PRKAR1B: variants seen among roughly 807,000 people sequenced by gnomAD.
PRKAR1B encodes protein kinase cAMP-dependent type I regulatory subunit beta, also known as cAMP-dependent protein kinase type I-beta regulatory subunit.
In PRKAR1B, 22 loss-of-function variants were observed where a neutral mutation model predicts 46.5. The ratio of observed to expected loss-of-function variants is 0.47; its 90% CI spans 0.34 to 0.68. PRKAR1B has a LOEUF of 0.68. Ranked by LOEUF, PRKAR1B falls within the 30% of genes least tolerant of loss-of-function variation. The pLI, the probability that PRKAR1B is intolerant of heterozygous loss-of-function variation, is 0.01. For missense variants in PRKAR1B, 445 were observed against 535.6 expected (o/e 0.83, Z 1.67); for synonymous variants, 259 against 217.7 (o/e 1.19, Z -1.67).
Position 685,310 on chromosome 7 carries a change from ATATATACG to A in PRKAR1B, c.178-4592_178-4585del, listed in dbSNP as rs1761312647. On this transcript the variant is annotated intron_variant, in intron 2 of 10. Coordinates refer to ENST00000537384, the MANE Select transcript of PRKAR1B (RefSeq NM_001164760.2). Reference sequence around the variant, plus strand: ...TATATGTATACATATATATATACGTATATATACGTATATATACGTATATATACGTATAT... The same window carrying A: ...TATATGTATACATATATATATACGTATATATATACGTATATATACGTATAT... Among the ~76,000 whole-genome samples, 11 of 98,010 alleles carry A rather than the reference ATATATACG, an allele frequency of 1.1e-4. 1 individual carries two copies. Among genetic ancestry groups the A allele is most frequent in the African/African-American group, 3.8e-4 (8 of 21,124 alleles). The allele number at this position is 98,010 out of a possible 152,430, so 64.3% of individuals were successfully genotyped here.
intron 2 of PRKAR1B, among the ~76,000 whole-genome samples, chr7:705,994 C>T (rs113856627): frequency 3.4e-4 from 52 of 152,126 alleles, no homozygotes; most frequent in Non-Finnish European, 6.0e-4. Context: ...CCACTGCTCT[C>T]CAGCCTGGGC....
At chr7:591,811 G>T (rs1456811578) in intron 7 of PRKAR1B, among the ~76,000 whole-genome samples, 1 of 152,172 alleles carries the variant, frequency 6.6e-6, no homozygotes, top group Non-Finnish European at 1.5e-5. Flanking sequence ...CCAGATGGCT[G>T]CAACACGGCC....
Position 706,397 on chromosome 7 carries a change from G to A in PRKAR1B, c.177+4932C>T, listed in dbSNP as rs895532188. Among the ~76,000 whole-genome samples, 4 of 148,338 alleles carry A rather than the reference G, an allele frequency of 2.7e-5. 1 individual carries two copies. Among genetic ancestry groups the A allele is most frequent in the South Asian group, 4.3e-4 (2 of 4,680 alleles). ...CACATCTTGCTGGGGAAACTCCCAC[G>A]CTGTGTTTTGCCATCAAATAAGGAA... On this transcript the variant is annotated intron_variant, in intron 2 of 10. Coordinates refer to ENST00000537384, the MANE Select transcript of PRKAR1B (RefSeq NM_001164760.2).
intron 2 of PRKAR1B, among the ~76,000 whole-genome samples, chr7:690,508 C>A (rs1212192638): frequency 6.7e-6 from 1 of 148,800 alleles, no homozygotes; most frequent in African/African-American, 2.4e-5. Context: ...ACAACAACAA[C>A]AAATTTCAAG....
intron 4 of PRKAR1B, among the ~76,000 whole-genome samples, chr7:663,940 C>T (rs1363369257): frequency 3.3e-5 from 5 of 152,184 alleles, no homozygotes; most frequent in Admixed American, 6.5e-5. Context: ...ATCTTTCCCA[C>T]GGAAACCGTG....
Position 637,782 on chromosome 7 carries a change from G to A in PRKAR1B, c.441-30330C>T, listed in dbSNP as rs372325453. On this transcript the variant is annotated intron_variant, in intron 4 of 10. Transcript: ENST00000537384. ...CCTGAGGTGGAGGTTGCAGTGAGCCGAGATCGCACCACTGCACTCCAGCCT... is the reference window on the plus strand; with the variant it reads ...CCTGAGGTGGAGGTTGCAGTGAGCCAAGATCGCACCACTGCACTCCAGCCT... 4.2e-3 allele frequency among the ~76,000 whole-genome samples: 633 copies of A among 152,184 alleles called. 1 individual carries two copies. Among genetic ancestry groups the A allele is most frequent in the South Asian group, 0.02 (98 of 4,814 alleles).
intron 9 of PRKAR1B, among the ~76,000 whole-genome samples, chr7:564,168 T>C (rs894934014): frequency 6.6e-6 from 1 of 152,016 alleles, no homozygotes; most frequent in Non-Finnish European, 1.5e-5. Context: ...CTCAGCCCAG[T>C]GGGCCCCTCC....
chr7:623,289 A>G (rs1384320886), intron 4 of PRKAR1B, among the ~76,000 whole-genome samples: 2 of 152,146 alleles, frequency 1.3e-5, no homozygotes, highest in Non-Finnish European at 2.9e-5. Flanking sequence ...ATCCCCTGGG[A>G]CCCTCGGCCA....
chr7:584,460 G>A, intron 8 of PRKAR1B, 48 bp downstream of exon 8: 4 of 1,563,258 alleles, frequency 2.6e-6, no homozygotes, highest in Non-Finnish European at 3.5e-6. Flanking sequence ...TGGCCAGCAG[G>A]CGCCCAGATG....
chr7:714,914 G>A lies in PRKAR1B; in HGVS notation c.-22-3387C>T, dbSNP rs140753064. The stretch of plus-strand genomic sequence containing the variant: ...TCAATAAATACCTTTGGCCGGATGC[G>A]GTGGTTCACACCTGTAATCCCAGCA... On this transcript the variant is annotated intron_variant, in intron 1 of 10. Coordinates refer to ENST00000537384, the MANE Select transcript of PRKAR1B (RefSeq NM_001164760.2). This position sits in a 1 kb window ranked among gnomAD's most constrained non-coding sequence, Gnocchi z 4.3. Among the ~76,000 whole-genome samples the A allele has an allele frequency of 1.7e-3, 255 of 152,284 alleles. 1 individual carries two copies. Among genetic ancestry groups the A allele is most frequent in the African/African-American group, 5.9e-3 (247 of 41,564 alleles).
chr7:705,306 T>TAAAA (rs1166269903), intron 2 of PRKAR1B, among the ~76,000 whole-genome samples: 157 of 109,232 alleles, frequency 1.4e-3, no homozygotes, highest in African/African-American at 5.1e-3. Context: ...CTGTCTCAAT[T>TAAAA]AAAAAAAAAA....
At chr7:687,813 C>T (rs779267709) in intron 2 of PRKAR1B, among the ~76,000 whole-genome samples, 29 of 152,124 alleles carry the variant, frequency 1.9e-4, no homozygotes, top group Admixed American at 1.1e-3. Context: ...AAGGCATTAC[C>T]GGCCGGGCAT....
intron 4 of PRKAR1B, among the ~76,000 whole-genome samples, chr7:662,542 G>A (rs1464749580): frequency 4.4e-5 from 4 of 90,534 alleles, no homozygotes; most frequent in Admixed American, 1.4e-4. Context: ...TCTCCACCCA[G>A]TGGCACAGGT....
chr7:691,777 C>T (rs1442125170), intron 2 of PRKAR1B: 11 of 1,194,748 alleles, frequency 9.2e-6, no homozygotes, highest in Middle Eastern at 3.8e-4. Flanking sequence ...CTACAAACAC[C>T]GGCAATCACC....
At chr7:563,559 CGT>C (rs1179149881) in intron 9 of PRKAR1B, among the ~76,000 whole-genome samples, 8 of 152,060 alleles carry the variant, frequency 5.3e-5, no homozygotes, top group African/African-American at 1.2e-4. Context: ...CATGTGTGCA[CGT>C]GTGAGTGCGT....
intron 2 of PRKAR1B, among the ~76,000 whole-genome samples, chr7:691,276 T>C (rs114277700): frequency 0.03 from 4,574 of 151,686 alleles, 272 homozygotes; most frequent in African/African-American, 0.1. Context: ...AACTCGCCAG[T>C]GGAAATGGGT....
At chr7:726,808 G>T in intron 1 of PRKAR1B, 1 of 1,320,892 alleles carries the variant, frequency 7.6e-7, no homozygotes, top group Non-Finnish European at 9.6e-7. Context: ...GCTGAGCCGC[G>T]CCCTGAGCCG....
intron 4 of PRKAR1B, among the ~76,000 whole-genome samples, chr7:624,800 A>G (rs975554088): frequency 4.6e-5 from 7 of 152,202 alleles, no homozygotes; most frequent in African/African-American, 1.7e-4. Flanking sequence ...CTAGTTATTG[A>G]CAGATCCAGC....
intron 2 of PRKAR1B, among the ~76,000 whole-genome samples, chr7:683,833 C>A (rs958618101): frequency 1.3e-5 from 2 of 152,248 alleles, no homozygotes; most frequent in African/African-American, 4.8e-5. Flanking sequence ...ATCCCACCCG[C>A]TCCTCACCCA....
Sources: gnomAD v4.1 joint callset for allele counts (sites outside exome capture counted in the v4.1 genomes callset) on GRCh38, gnomAD v4.1.1 for gene constraint, Gnocchi (gnomAD v3.1) non-coding constraint, MANE v1.5 for transcripts, NCBI Gene and HGNC (gene_info 2026-07-23, HGNC 2026-07-21) for gene names.